Variants in GARIN1A observed in about 807,000 individuals in gnomAD.
GARIN1A encodes the protein Golgi-associated RAB2 interactor protein 1A.
the GARIN1A span, chr7:128,685,993 T>A: frequency 1.3e-5 from 2 of 152,218 alleles, no homozygotes; most frequent in Non-Finnish European, 2.9e-5. Context: ...GGCGGGCAGA[T>A]CACGAGGTCA....
At chr7:128,705,108 G>A in the GARIN1A span, among the ~76,000 whole-genome samples, 2 of 152,176 alleles carry the variant, frequency 1.3e-5, no homozygotes, top group Non-Finnish European at 2.9e-5. Context: ...TCCACTGTGC[G>A]GATGTAACGC....
At chr7:128,672,698 AGGTCTGGGTC>A in the GARIN1A span, 2 of 707,776 alleles carry the variant, frequency 2.8e-6, no homozygotes, top group Admixed American at 2.9e-5. Flanking sequence ...GAAAACCAGA[AGGTCTGGGTC>A]CCAAGTTCAC....
At chr7:128,689,378 ATCG>A in the GARIN1A span, among the ~76,000 whole-genome samples, 1 of 145,240 alleles carries the variant, frequency 6.9e-6, no homozygotes, top group Admixed American at 6.9e-5. Context: ...CCGGCCGCCC[ATCG>A]TCTGAGATGT....
chr7:128,677,197 C>G, the GARIN1A span, among the ~76,000 whole-genome samples: 1 of 151,960 alleles, frequency 6.6e-6, no homozygotes, highest in Admixed American at 6.6e-5. Flanking sequence ...TAGGTGGGCA[C>G]CCACATGGTC....
At chr7:128,680,863 G>T in the GARIN1A span, among the ~76,000 whole-genome samples, 2 of 152,208 alleles carry the variant, frequency 1.3e-5, no homozygotes, top group East Asian at 3.9e-4. Context: ...CACTGCGCCT[G>T]GTCCTCACCA....
the GARIN1A span, chr7:128,683,041 T>A: frequency 6.2e-7 from 1 of 1,611,244 alleles, no homozygotes; most frequent in Non-Finnish European, 8.5e-7. Context: ...CCAATCAATT[T>A]GAATATACCC....
the GARIN1A span, among the ~76,000 whole-genome samples, chr7:128,677,262 C>T: frequency 6.6e-6 from 1 of 151,172 alleles, no homozygotes; most frequent in Non-Finnish European, 1.5e-5. Context: ...AATCCCAGCA[C>T]TTTGGGAGGC....
chr7:128,707,770 G>A, the GARIN1A span, among the ~76,000 whole-genome samples: 124 of 152,192 alleles, frequency 8.1e-4, 3 homozygotes, highest in East Asian at 0.022. Context: ...TTGATTCTGT[G>A]TATAAGTGAC....
the GARIN1A span, among the ~76,000 whole-genome samples, chr7:128,708,243 T>C: frequency 1.3e-5 from 2 of 151,450 alleles, no homozygotes; most frequent in African/African-American, 4.9e-5. Context: ...CCCAGGCTGA[T>C]CTCAAACTCC....
chr7:128,676,017 A>ATTTTTTTTTTTTTTTTTTTTT, the GARIN1A span, among the ~76,000 whole-genome samples: 1 of 121,056 alleles, frequency 8.3e-6, no homozygotes, highest in Non-Finnish European at 1.7e-5. Context: ...TTTATTTAGT[A>ATTTTTTTTTTTTTTTTTTTTT]TCTTTTTTTT....
the GARIN1A span, chr7:128,679,973 G>A: frequency 2.0e-6 from 2 of 1,017,994 alleles, no homozygotes; most frequent in Admixed American, 2.7e-5. Flanking sequence ...TCTACCCCGA[G>A]GAGGCCAAGA....
the GARIN1A span, among the ~76,000 whole-genome samples, chr7:128,678,958 C>T: frequency 3.2e-5 from 4 of 125,924 alleles, no homozygotes; most frequent in African/African-American, 9.7e-5. Context: ...ATGTAACAAT[C>T]GTTACATACA....
At chr7:128,678,506 C>T in the GARIN1A span, among the ~76,000 whole-genome samples, 1 of 152,072 alleles carries the variant, frequency 6.6e-6, no homozygotes, top group East Asian at 1.9e-4. Flanking sequence ...TCTCACCAAT[C>T]ATATGAGTGT....
At chr7:128,673,181 GCA>G in the GARIN1A span, among the ~76,000 whole-genome samples, 1 of 152,194 alleles carries the variant, frequency 6.6e-6, no homozygotes, top group Non-Finnish European at 1.5e-5. Flanking sequence ...CAGCCAGTAA[GCA>G]CACACTAAAC....
the GARIN1A span, chr7:128,676,005 G>C: frequency 1.7e-6 from 1 of 596,896 alleles, no homozygotes; most frequent in Non-Finnish European, 2.9e-6. Flanking sequence ...GTTTAGCAAC[G>C]ATTTATTTAG....
chr7:128,708,103 C>CCCAGG, the GARIN1A span, among the ~76,000 whole-genome samples: 1 of 151,874 alleles, frequency 6.6e-6, no homozygotes, highest in Non-Finnish European at 1.5e-5. Flanking sequence ...GCCTTGCTTT[C>CCCAGG]CCAGGCTCAA....
chr7:128,700,493 T>C, the GARIN1A span, among the ~76,000 whole-genome samples: 1 of 152,150 alleles, frequency 6.6e-6, no homozygotes, highest in East Asian at 1.9e-4. Flanking sequence ...TTGGCCAGGC[T>C]GGTCTCAAAC....
At chr7:128,692,489 AAG>A in the GARIN1A span, among the ~76,000 whole-genome samples, 5 of 152,220 alleles carry the variant, frequency 3.3e-5, no homozygotes, top group Admixed American at 2.6e-4. Context: ...CACCATTTAA[AAG>A]AGAAAAGAAA....
At chr7:128,694,930 G>A in the GARIN1A span, among the ~76,000 whole-genome samples, 1 of 152,046 alleles carries the variant, frequency 6.6e-6, no homozygotes, top group East Asian at 1.9e-4. Flanking sequence ...GCTCTTTTCT[G>A]GACTCCTTTC....
Sources: allele counts gnomAD v4.1 joint callset (sites outside exome capture counted in the v4.1 genomes callset), GRCh38; gene constraint gnomAD v4.1.1; transcripts MANE v1.5; gene names NCBI Gene and HGNC (gene_info 2026-07-23, HGNC 2026-07-21).